Variants in GKAP1 observed in about 807,000 individuals in gnomAD.
GKAP1 encodes G kinase anchoring protein 1.
Under a neutral mutation model 56.7 loss-of-function variants are expected in GKAP1, and 31 were observed. That is an observed-to-expected ratio of 0.55 (90% CI 0.41 to 0.74). The LOEUF is 0.74. Among genes scored for constraint, GKAP1 ranks in the 30% least tolerant of loss-of-function variants. The probability of loss-of-function intolerance (pLI) is 0.00; values close to 1 mark genes in which losing one functional copy is unlikely to be tolerated. For synonymous variants in GKAP1, 151 were observed against 138.6 expected, an observed-to-expected ratio of 1.09 and a Z score of -0.63; for missense variants, 364 against 402.3, an observed-to-expected ratio of 0.90 and a Z score of 0.82.
Position 83,739,671 on chromosome 9 carries a change from T to G in GKAP1, c.*26A>C. On this transcript the variant is annotated 3_prime_UTR_variant, in exon 13 of 13. Transcript: ENST00000376371. ...GCAAAATCCTGGAAGTTTTAAACTT[T>G]GTGTTGACTTCAAAGGCTAATGTAA... 1 of 1,583,272 alleles carries G rather than the reference T, an allele frequency of 6.3e-7. No homozygotes were observed. Among genetic ancestry groups the G allele is most frequent in the Non-Finnish European group, 8.6e-7 (1 of 1,163,684 alleles).
At chr9:83,801,973 G>A (rs1944338328) in intron 3 of GKAP1, among the ~76,000 whole-genome samples, 1 of 151,966 alleles carries the variant, frequency 6.6e-6, no homozygotes, top group Admixed American at 6.6e-5. Flanking sequence ...CTAAGTCTTG[G>A]GACATTACTA....
intron 8 of GKAP1, among the ~76,000 whole-genome samples, chr9:83,759,979 T>C (rs1587699438): frequency 6.6e-6 from 1 of 152,224 alleles, no homozygotes; most frequent in Non-Finnish European, 1.5e-5. Context: ...CATTCCTCTA[T>C]AAACCTTCTA....
chr9:83,786,348 GC>G (rs1944063071), intron 5 of GKAP1, among the ~76,000 whole-genome samples: 1 of 151,950 alleles, frequency 6.6e-6, no homozygotes, highest in South Asian at 2.1e-4. Flanking sequence ...TTCAAGACTA[GC>G]CTGACCAACA....
At chr9:83,789,255 ATTTG>A (rs998981892) in intron 4 of GKAP1, 5 of 152,174 alleles carry the variant, frequency 3.3e-5, no homozygotes, top group Non-Finnish European at 5.9e-5. Flanking sequence ...TGTGATATAT[ATTTG>A]TTTCTCTTTT....
chr9:83,793,070 T>C (rs1335570920), intron 4 of GKAP1: 2 of 905,566 alleles, frequency 2.2e-6, no homozygotes, highest in Admixed American at 6.1e-5. Context: ...GCTCAATCAG[T>C]TAAAGAGTAT....
At chr9:83,794,913 G>A (rs1944218660) in intron 4 of GKAP1, among the ~76,000 whole-genome samples, 1 of 152,104 alleles carries the variant, frequency 6.6e-6, no homozygotes, top group African/African-American at 2.4e-5. Context: ...ACTTTGGTAG[G>A]TGGAGGTGGG....
At chr9:83,804,208 A>G (rs1944386999) in intron 3 of GKAP1, among the ~76,000 whole-genome samples, 1 of 143,208 alleles carries the variant, frequency 7.0e-6, no homozygotes, top group African/African-American at 2.6e-5. Context: ...GGAAGTGAGG[A>G]GCCCCTCTGC....
rs1943694580 is a variant in GKAP1 at position 83,768,141 on chromosome 9, C to A, written c.738+677G>T. 2.6e-5 allele frequency among the ~76,000 whole-genome samples: 4 copies of A among 152,334 alleles called. No homozygotes were observed. The Middle Eastern group carries it at 0.01, about 389-fold the overall frequency. ...TAACTTCTTAGTTTCACAGAAAAGACATTTATGACATAAATCTAATCTATG... is the reference window on the plus strand; with the variant it reads ...TAACTTCTTAGTTTCACAGAAAAGAAATTTATGACATAAATCTAATCTATG... On this transcript the variant is annotated intron_variant, in intron 8 of 12. Coordinates refer to ENST00000376371, the MANE Select transcript of GKAP1 (RefSeq NM_025211.4).
intron 4 of GKAP1, among the ~76,000 whole-genome samples, chr9:83,790,473 T>C (rs1293053009): frequency 6.6e-6 from 1 of 152,102 alleles, no homozygotes; most frequent in Non-Finnish European, 1.5e-5. Context: ...AGGACAGTAA[T>C]CATCCTAACA....
At chr9:83,771,044 A>G (rs1943751017) in intron 7 of GKAP1, among the ~76,000 whole-genome samples, 1 of 151,914 alleles carries the variant, frequency 6.6e-6, no homozygotes, top group Non-Finnish European at 1.5e-5. Context: ...CATTCCTCTC[A>G]CTCATTGGTT....
chr9:83,773,809 C>T (rs1338554190), intron 7 of GKAP1, among the ~76,000 whole-genome samples: 1 of 152,046 alleles, frequency 6.6e-6, no homozygotes, highest in Non-Finnish European at 1.5e-5. Context: ...CTACATTTAG[C>T]CCTCCTTTTT....
At chr9:83,781,137 C>A (rs1297208154) in intron 6 of GKAP1, among the ~76,000 whole-genome samples, 1 of 152,022 alleles carries the variant, frequency 6.6e-6, no homozygotes, top group Non-Finnish European at 1.5e-5. Context: ...CCCAGGCGGG[C>A]GGATCACCTG....
chr9:83,806,774 G>A (rs1012686500), intron 2 of GKAP1, among the ~76,000 whole-genome samples: 3 of 152,100 alleles, frequency 2.0e-5, no homozygotes, highest in African/African-American at 7.2e-5. Context: ...AGATTTCACA[G>A]ATATAATGTA....
chr9:83,786,422 T>C (rs1432623033), intron 5 of GKAP1, among the ~76,000 whole-genome samples: 1 of 151,922 alleles, frequency 6.6e-6, no homozygotes, highest in African/African-American at 2.4e-5. Flanking sequence ...ATGCCTGTAA[T>C]CCCAGCTACT....
rs190492906 is a variant in GKAP1, at chr9:83,813,231, T to C, written c.-44+3765A>G. ...GGTCTTTAAAATTTAGATGCTTCTA[T>C]GCTTAGACATTTATATACACATAAT... On this transcript the variant is annotated intron_variant, in intron 2 of 12. Coordinates refer to ENST00000376371, the MANE Select transcript of GKAP1 (RefSeq NM_025211.4). Among the ~76,000 whole-genome samples the C allele has an allele frequency of 5.1e-4, 78 of 152,350 alleles. No homozygotes were observed. In the East Asian group the frequency reaches 9.1e-3, roughly 18 times the overall value.
intron 3 of GKAP1, among the ~76,000 whole-genome samples, chr9:83,804,308 G>T (rs1443334978): frequency 6.3e-5 from 9 of 141,880 alleles, no homozygotes; most frequent in African/African-American, 2.4e-4. Context: ...GGGGGGGTCA[G>T]CACCCCGCCC....
chr9:83,804,310 A>C (rs867970403), intron 3 of GKAP1, among the ~76,000 whole-genome samples: 443 of 60,866 alleles, frequency 7.3e-3, no homozygotes, highest in Admixed American at 0.011. Context: ...GGGGGTCAGC[A>C]CCCCGCCCGG....
intron 8 of GKAP1, among the ~76,000 whole-genome samples, chr9:83,756,778 C>T (rs996284510): frequency 2.0e-5 from 3 of 152,124 alleles, no homozygotes; most frequent in African/African-American, 7.2e-5. Flanking sequence ...TAACACAGTG[C>T]CTGGCATATA....
intron 5 of GKAP1, among the ~76,000 whole-genome samples, chr9:83,786,541 CAA>C (rs57485843): frequency 2.1e-4 from 29 of 135,140 alleles, no homozygotes; most frequent in Non-Finnish European, 2.4e-4. Flanking sequence ...AACTCTGTCT[CAA>C]AAAAAAAAAA....
Sources: allele counts gnomAD v4.1 joint callset (sites outside exome capture counted in the v4.1 genomes callset), GRCh38; gene constraint gnomAD v4.1.1; transcripts MANE v1.5; gene names NCBI Gene and HGNC (gene_info 2026-07-23, HGNC 2026-07-21).